Variants in LYPD8 observed in about 807,000 individuals in gnomAD.
LYPD8 encodes the protein LY6/PLAUR domain containing 8, also known as ly6/PLAUR domain-containing protein 8.
A neutral mutation model predicts 1.7 loss-of-function variants in LYPD8; 8 were observed. The observed-to-expected ratio is 4.58, with a 90% CI of 2.69 to 8.27. The LOEUF is 8.27. Among genes scored for constraint, LYPD8 ranks in the 30% most tolerant of loss-of-function variants. The pLI is 0.00. For missense variants in LYPD8, 112 were observed against 102.3 expected (o/e 1.09, Z -0.41); for synonymous variants, 50 against 43.6 (o/e 1.15, Z -0.58).
rs1553283019 is a variant in LYPD8, at chr1:248,739,603, C to T, written c.*8G>A. 1.8e-5 allele frequency: 28 copies of T among 1,550,894 alleles called. No homozygotes were observed. Among genetic ancestry groups the T allele is most frequent in the African/African-American group, 2.7e-5 (2 of 73,008 alleles). ...ATGGGGTGCTGGGCAAAGTGCAGCC[C>T]CAGGACCTCAGGGCAGCAGTCCCCG... On this transcript the variant is annotated 3_prime_UTR_variant, in exon 7 of 7. Transcript: ENST00000590317. The surrounding 1 kb of genome is among the most constrained non-coding windows in gnomAD (Gnocchi z 4.3).
At chr1:248,753,281 ACACACACACACCACAC>A (rs1662858417) in intron 2 of LYPD8, among the ~76,000 whole-genome samples, 1 of 63,714 alleles carries the variant, frequency 1.6e-5, no homozygotes, top group Non-Finnish European at 3.0e-5. Context: ...ACACCACACA[ACACACACACACCACAC>A]ACACCACACA....
chr1:248,746,626 CCAGCACCCACCCAGGGCA>C (rs2103170076), intron 5 of LYPD8, among the ~76,000 whole-genome samples: 1 of 121,712 alleles, frequency 8.2e-6, no homozygotes, highest in South Asian at 3.2e-4. Flanking sequence ...CCCCGCACGG[CCAGCACCCACCCAGGGCA>C]TCGCCCGCAC....
In LYPD8 at chr1:248,753,582, A is replaced by C. The variant is rs1171600725; in HGVS notation, c.-50+1657T>G. On this transcript the variant is annotated intron_variant, in intron 2 of 6. Coordinates refer to ENST00000590317, the MANE Select transcript of LYPD8 (RefSeq NM_001085474.2). The stretch of plus-strand genomic sequence containing the variant: ...CACACACACAACACACACCCCACAC[A>C]ACACACACAACACAACACACACACC... 2.2e-3 allele frequency among the ~76,000 whole-genome samples: 241 copies of C among 108,936 alleles called. 7 individuals are homozygous for C. Among genetic ancestry groups the C allele is most frequent in the East Asian group, 4.8e-3 (13 of 2,726 alleles). 71.5% of individuals were successfully genotyped at this position (108,936 alleles called of 152,430 possible). A position where few individuals can be genotyped will look rare whatever the true frequency, so the allele number is the denominator to read the frequency against.
At chr1:248,744,141 G>A (rs1349732011) in intron 6 of LYPD8, among the ~76,000 whole-genome samples, 2 of 152,292 alleles carry the variant, frequency 1.3e-5, no homozygotes, top group East Asian at 1.9e-4. Context: ...ACTACTGATG[G>A]CCACTAATGT....
At chr1:248,740,201 G>T (rs1662564316) in intron 6 of LYPD8, among the ~76,000 whole-genome samples, 1 of 152,196 alleles carries the variant, frequency 6.6e-6, no homozygotes, top group Non-Finnish European at 1.5e-5. Context: ...AGGAAACCAG[G>T]AACAGATTCA....
At position 248,739,647 on chromosome 1, in the gene LYPD8, G is replaced by C. The variant is rs1662548920; in HGVS notation, c.678C>G (p.Ala226=). The C allele has an allele frequency of 1.3e-6, 2 of 1,551,636 alleles. No individual in the cohort carries two copies. The highest frequency in any genetic ancestry group is 1.4e-5 in the African/African-American group (1 of 73,058). ...GTCCCCGAAGAAGGAGGCTGGCAAGGGCCAAGAGGTAGAGGGAAGCTTTGG... is the reference window on the plus strand; with the variant it reads ...GTCCCCGAAGAAGGAGGCTGGCAAGCGCCAAGAGGTAGAGGGAAGCTTTGG... ...VGSKASLYLL[A]LASLLLRGLL... Residue 226 remains alanine (A), a synonymous_variant, in exon 7 of 7, where the codon GCC becomes GCG. Coordinates refer to ENST00000590317, the MANE Select transcript of LYPD8 (RefSeq NM_001085474.2). This position sits in a 1 kb window ranked among gnomAD's most constrained non-coding sequence, Gnocchi z 4.3.
chr1:248,745,861 C>T (rs975940643), intron 5 of LYPD8, among the ~76,000 whole-genome samples: 349 of 152,298 alleles, frequency 2.3e-3, no homozygotes, highest in Admixed American at 6.0e-3. Flanking sequence ...ACAGGGAGTA[C>T]TACAAGGTTC....
chr1:248,745,556 CAAACT>C (rs1372082741), intron 5 of LYPD8, among the ~76,000 whole-genome samples: 1 of 152,164 alleles, frequency 6.6e-6, no homozygotes, highest in Non-Finnish European at 1.5e-5. Flanking sequence ...GAGCTAAAAC[CAAACT>C]ATAGTCAACA....
chr1:248,743,677 TC>T (rs1553283784), intron 6 of LYPD8, among the ~76,000 whole-genome samples: 1 of 152,190 alleles, frequency 6.6e-6, no homozygotes, highest in African/African-American at 2.4e-5. Flanking sequence ...TATCTCAGCC[TC>T]CCTTACAGCC....
chr1:248,748,852 C>G, intron 4 of LYPD8, among the ~76,000 whole-genome samples: 1 of 152,312 alleles, frequency 6.6e-6, no homozygotes, highest in Non-Finnish European at 1.5e-5. Context: ...AGTCAAGCTT[C>G]TAGCCAGAGC....
At chr1:248,744,277 G>T (rs1280671246) in intron 6 of LYPD8, among the ~76,000 whole-genome samples, 5 of 152,182 alleles carry the variant, frequency 3.3e-5, no homozygotes, top group African/African-American at 1.2e-4. Context: ...TCACTGAAGT[G>T]CCTGGGCTTG....
intron 4 of LYPD8, among the ~76,000 whole-genome samples, chr1:248,748,960 G>A (rs993621831): frequency 6.6e-6 from 1 of 152,214 alleles, no homozygotes; most frequent in Non-Finnish European, 1.5e-5. Flanking sequence ...CTCAGCCATA[G>A]TAGCCATATA....
At position 248,739,875 on chromosome 1, in the gene LYPD8, G is replaced by T; in HGVS notation, c.476-26C>A. The T allele has an allele frequency of 6.4e-7, 1 of 1,551,264 alleles. No homozygotes were observed. The highest frequency in any genetic ancestry group is 1.4e-5 in the African/African-American group (1 of 73,178). The stretch of plus-strand genomic sequence containing the variant: ...CTGTGAATGCAAAGGAGACAGGAGG[G>T]ACGCCACTCAGTCCTTTGTCCTTCC... On this transcript the variant is annotated intron_variant, in intron 6 of 6. Coordinates refer to ENST00000590317, the MANE Select transcript of LYPD8 (RefSeq NM_001085474.2). This position sits in a 1 kb window ranked among gnomAD's most constrained non-coding sequence, Gnocchi z 4.3.
At position 248,752,174 on chromosome 1, in the gene LYPD8, A is replaced by G. The variant is rs1259038613; in HGVS notation, c.-49-1044T>C. 8.5e-5 allele frequency among the ~76,000 whole-genome samples: 13 copies of G among 152,144 alleles called. 1 individual carries two copies. The East Asian group carries it at 2.1e-3, about 25-fold the overall frequency. ...CTCAGTAGCACTGGCTACATTCCCAATGCTCAGGAGCCACATGTGGCTGTT... is the reference window on the plus strand; with the variant it reads ...CTCAGTAGCACTGGCTACATTCCCAGTGCTCAGGAGCCACATGTGGCTGTT... On this transcript the variant is annotated intron_variant, in intron 2 of 6. Coordinates refer to ENST00000590317, the MANE Select transcript of LYPD8 (RefSeq NM_001085474.2).
intron 6 of LYPD8, among the ~76,000 whole-genome samples, chr1:248,743,448 G>C (rs781847745): frequency 1.3e-5 from 2 of 152,164 alleles, no homozygotes; most frequent in African/African-American, 2.4e-5. Context: ...CTGGGCGACA[G>C]AGCAAGACTC....
intron 2 of LYPD8, among the ~76,000 whole-genome samples, chr1:248,753,041 CACACAT>C (rs1662845311): frequency 9.1e-6 from 1 of 110,450 alleles, no homozygotes; most frequent in African/African-American, 3.8e-5. Context: ...ACACACCACA[CACACAT>C]CACACACACA....
chr1:248,752,752 C>A (rs1272239877), intron 2 of LYPD8, among the ~76,000 whole-genome samples: 32 of 124,806 alleles, frequency 2.6e-4, no homozygotes, highest in East Asian at 1.1e-3. Context: ...ACCACACACC[C>A]CACACACACC....
intron 2 of LYPD8, among the ~76,000 whole-genome samples, chr1:248,753,082 ACC>A: frequency 1.2e-5 from 1 of 83,448 alleles, no homozygotes; most frequent in East Asian, 4.4e-4. Flanking sequence ...CACACCCCAC[ACC>A]ACACTACACA....
intron 6 of LYPD8, 181 bp from the exon 7 acceptor site, chr1:248,740,030 T>C (rs1482005590): frequency 1.3e-5 from 3 of 238,336 alleles, no homozygotes; most frequent in Admixed American, 6.5e-5. Flanking sequence ...CACGCGGTAA[T>C]GGTAGAGAGA....
Sources: gnomAD v4.1 joint callset for allele counts (sites outside exome capture counted in the v4.1 genomes callset) on GRCh38, gnomAD v4.1.1 for gene constraint, Gnocchi (gnomAD v3.1) non-coding constraint, MANE v1.5 for transcripts, NCBI Gene and HGNC (gene_info 2026-07-23, HGNC 2026-07-21) for gene names.